Variants in CDH2 observed in about 807,000 individuals in gnomAD.
CDH2 encodes the protein cadherin-2.
CDH2 carries 17 observed loss-of-function variants against 92.0 expected under a neutral mutation model. The observed-to-expected ratio is 0.18, with a 90% CI of 0.13 to 0.28. The LOEUF (loss-of-function observed/expected upper bound fraction) is 0.28. Among genes scored for constraint, CDH2 ranks in the 10% least tolerant of loss-of-function variants. The pLI is 1.00. For synonymous variants in CDH2, 419 were observed against 415.9 expected (o/e 1.01, Z -0.09); for missense variants, 862 against 1,133.1 (o/e 0.76, Z 3.44).
chr18:27,963,044 T>G (rs1052555816), intron 15 of CDH2, among the ~76,000 whole-genome samples: 2 of 152,154 alleles, frequency 1.3e-5, no homozygotes. Flanking sequence ...TATAATATTG[T>G]TAGTCTATTT....
chr18:28,112,069 G>A (rs2015422204), intron 2 of CDH2, among the ~76,000 whole-genome samples: 1 of 152,098 alleles, frequency 6.6e-6, no homozygotes, highest in Non-Finnish European at 1.5e-5. Flanking sequence ...CAGACAATTA[G>A]CTGTTAACAG....
intron 2 of CDH2, among the ~76,000 whole-genome samples, chr18:28,146,016 G>A (rs2016029308): frequency 6.6e-6 from 1 of 152,014 alleles, no homozygotes; most frequent in Admixed American, 6.6e-5. Context: ...AAAAGACACT[G>A]GCAAAAAGCT....
At chr18:27,952,456 C>T in intron 15 of CDH2, 97 bp from the exon 16 acceptor site, 1 of 898,654 alleles carries the variant, frequency 1.1e-6, no homozygotes, top group Non-Finnish European at 1.8e-6. Context: ...ATCAAACAAA[C>T]ACTTGTTTGT....
At chr18:27,947,822 G>C (rs879602307), downstream of CDH2, among the ~76,000 whole-genome samples, 1 of 151,856 alleles carries the variant, frequency 6.6e-6, no homozygotes, top group African/African-American at 2.4e-5. Context: ...TGTGATATAA[G>C]TGTATGTGAT....
At chr18:27,936,748 TG>T (rs761381793) in intron 6 of CDH2, among the ~76,000 whole-genome samples, 2 of 152,162 alleles carry the variant, frequency 1.3e-5, no homozygotes, top group Non-Finnish European at 2.9e-5. Flanking sequence ...TTGTCCAGAC[TG>T]GTCTCAAACT....
At chr18:28,008,331 T>A (rs1338816645) in intron 5 of CDH2, among the ~76,000 whole-genome samples, 1 of 152,210 alleles carries the variant, frequency 6.6e-6, no homozygotes, top group African/African-American at 2.4e-5. Flanking sequence ...CAGAACTATA[T>A]GGAAAGCATT....
At chr18:28,164,750 C>G (rs560163752) in intron 1 of CDH2, among the ~76,000 whole-genome samples, 60 of 152,274 alleles carry the variant, frequency 3.9e-4, no homozygotes, top group African/African-American at 1.4e-3. Context: ...AAGCAAGAGA[C>G]AGATCTAGGA....
chr18:28,008,334 A>G (rs1292603962), intron 5 of CDH2, among the ~76,000 whole-genome samples: 2 of 152,196 alleles, frequency 1.3e-5, no homozygotes, highest in African/African-American at 2.4e-5. Context: ...AACTATATGG[A>G]AAGCATTAGA....
Position 28,062,686 on chromosome 18 carries a change from C to T in CDH2, c.173-48777G>A, listed in dbSNP as rs148237980. The stretch of plus-strand genomic sequence containing the variant: ...AACTATCACCAGTTGAGAAATACAC[C>T]GTCCAGGCTAGGCGTGGTGGCTCAT... On this transcript the variant is annotated intron_variant, in intron 2 of 15. Transcript: ENST00000269141. Among the ~76,000 whole-genome samples the T allele has an allele frequency of 8.6e-4, 131 of 152,146 alleles. 2 individuals are homozygous for T. Among genetic ancestry groups the T allele is most frequent in the African/African-American group, 3.0e-3 (126 of 41,518 alleles).
At chr18:28,011,611 T>C (rs985297173) in intron 4 of CDH2, among the ~76,000 whole-genome samples, 2 of 152,184 alleles carry the variant, frequency 1.3e-5, no homozygotes, top group Non-Finnish European at 2.9e-5. Context: ...CTGAACAAGC[T>C]TTCTAATCCA....
At chr18:28,121,277 C>T (rs752082576) in intron 2 of CDH2, among the ~76,000 whole-genome samples, 42 of 152,122 alleles carry the variant, frequency 2.8e-4, no homozygotes, top group Non-Finnish European at 3.7e-4. Context: ...CATGCATTTT[C>T]ATCACAACCA....
rs559604362 is a variant in CDH2, at chr18:27,974,425, A to G, written c.2349+8519T>C. ...CTGCTTTTTGAAAGGATTAGGAAAC[A>G]AGAATTTTATGTGAATATTTTCCAT... On this transcript the variant is annotated intron_variant, in intron 14 of 15. Transcript: ENST00000269141. Among the ~76,000 whole-genome samples, 52 of 152,358 alleles carry G rather than the reference A, an allele frequency of 3.4e-4. No homozygotes were observed. The South Asian group carries it at 0.011, about 31-fold the overall frequency.
Position 27,982,991 on chromosome 18 carries a change from C to A in CDH2, c.2302G>T (p.Asp768Tyr), listed in dbSNP as rs766157846. Residue 768 changes from aspartate to tyrosine, a missense_variant, in exon 14 of 16, where the codon GAT becomes TAT. Transcript: ENST00000269141. ...LLIDPEDDVR[D>Y]NILKYDEEGG... ...TCTTCATCATATTTTAAAATATTAT[C>A]TCTTACATCATCTTCTGGATCAATT... 1 of 1,608,260 alleles carries A rather than the reference C, an allele frequency of 6.2e-7. No homozygotes were observed. Among genetic ancestry groups the A allele is most frequent in the South Asian group, 1.1e-5 (1 of 90,628 alleles).
chr18:28,033,700 G>A (rs2013755604), intron 2 of CDH2, among the ~76,000 whole-genome samples: 1 of 152,008 alleles, frequency 6.6e-6, no homozygotes, highest in African/African-American at 2.4e-5. Context: ...TATACAAGAT[G>A]TGATTATAAA....
intron 7 of CDH2, among the ~76,000 whole-genome samples, chr18:27,997,612 C>A (rs2012623783): frequency 6.6e-6 from 1 of 152,056 alleles, no homozygotes; most frequent in Non-Finnish European, 1.5e-5. Context: ...GACAGCAGGG[C>A]ATGGGAAAGG....
At chr18:28,066,240 CACTT>C in intron 2 of CDH2, among the ~76,000 whole-genome samples, 1 of 152,198 alleles carries the variant, frequency 6.6e-6, no homozygotes, top group East Asian at 1.9e-4. Context: ...CCAAAGCAGA[CACTT>C]ACTAAATATA....
chr18:27,996,717 G>A (rs2012594808), intron 7 of CDH2, among the ~76,000 whole-genome samples: 1 of 152,140 alleles, frequency 6.6e-6, no homozygotes, highest in Non-Finnish European at 1.5e-5. Context: ...TTGTGCCACT[G>A]GCATATATGG....
intron 4 of CDH2, among the ~76,000 whole-genome samples, chr18:28,010,683 G>T (rs1822422): frequency 0.17 from 24,683 of 147,584 alleles, 2,319 homozygotes; most frequent in East Asian, 0.3. Flanking sequence ...TTTTTTTTGC[G>T]GGGGGGGAAG....
chr18:28,158,098 C>T (rs2016250054), intron 1 of CDH2, among the ~76,000 whole-genome samples: 1 of 152,064 alleles, frequency 6.6e-6, no homozygotes, highest in African/African-American at 2.4e-5. Context: ...GTTTACAGTC[C>T]CCGGAACTCT....
Sources: allele counts gnomAD v4.1 joint callset (sites outside exome capture counted in the v4.1 genomes callset), GRCh38; gene constraint gnomAD v4.1.1; transcripts MANE v1.5; gene names NCBI Gene and HGNC (gene_info 2026-07-23, HGNC 2026-07-21).